Variants in CHODL observed in about 807,000 individuals in gnomAD.
CHODL encodes transmembrane protein MT75.
A neutral mutation model predicts 34.5 loss-of-function variants in CHODL; 29 were observed. The ratio of observed to expected loss-of-function variants is 0.84; its 90% CI spans 0.63 to 1.15. The LOEUF is 1.15. Among genes scored for constraint, CHODL ranks in the 50% most tolerant of loss-of-function variants. The pLI, the probability that CHODL is intolerant of heterozygous loss-of-function variation, is 0.00. For synonymous variants in CHODL, 125 were observed against 116.1 expected (o/e 1.08, Z -0.49); for missense variants, 332 against 332.5 (o/e 1.00, Z 0.01).
At chr21:18,133,217 C>A (rs2072678797) in intron 2 of CHODL, among the ~76,000 whole-genome samples, 1 of 152,136 alleles carries the variant, frequency 6.6e-6, no homozygotes, top group South Asian at 2.1e-4. Flanking sequence ...GCAATCCCTT[C>A]TGGATTCCTC....
At chr21:17,977,314 A>G (rs897031265) in intron 1 of CHODL, among the ~76,000 whole-genome samples, 10 of 152,010 alleles carry the variant, frequency 6.6e-5, no homozygotes, top group African/African-American at 2.4e-4. Flanking sequence ...TGTTCATTGC[A>G]GAAATAACAT....
At chr21:18,108,401 T>C (rs1351909905) in intron 2 of CHODL, among the ~76,000 whole-genome samples, 2 of 152,218 alleles carry the variant, frequency 1.3e-5, no homozygotes, top group African/African-American at 4.8e-5. Context: ...CACTAGGCTC[T>C]ACTAGAGAGA....
At chr21:18,174,158 TA>T (rs2073275621) in intron 2 of CHODL, among the ~76,000 whole-genome samples, 1 of 96,252 alleles carries the variant, frequency 1.0e-5, no homozygotes, top group East Asian at 4.5e-4. Flanking sequence ...TATATATATA[TA>T]TAAAATCAAG....
intron 2 of CHODL, among the ~76,000 whole-genome samples, chr21:18,105,916 C>T (rs1457933702): frequency 6.6e-6 from 1 of 152,128 alleles, no homozygotes; most frequent in Non-Finnish European, 1.5e-5. Flanking sequence ...AAGCCAGAGA[C>T]AGTGAAACAT....
At chr21:18,077,622 C>CT (rs2064881862) in intron 2 of CHODL, among the ~76,000 whole-genome samples, 1 of 152,060 alleles carries the variant, frequency 6.6e-6, no homozygotes, top group African/African-American at 2.4e-5. Flanking sequence ...AGATTAGTGC[C>CT]CTTACAATAG....
At chr21:17,974,478 G>T (rs774755376) in intron 1 of CHODL, among the ~76,000 whole-genome samples, 1 of 151,938 alleles carries the variant, frequency 6.6e-6, no homozygotes, top group Non-Finnish European at 1.5e-5. Flanking sequence ...CACTATGTTG[G>T]CCAGGCTAGT....
At chr21:18,003,286 A>G (rs1386031770) in intron 1 of CHODL, among the ~76,000 whole-genome samples, 1 of 151,702 alleles carries the variant, frequency 6.6e-6, no homozygotes, top group East Asian at 1.9e-4. Context: ...ATATATAGTG[A>G]CACACCTCTT....
intron 2 of CHODL, among the ~76,000 whole-genome samples, chr21:18,222,841 G>A (rs1888407): frequency 6.6e-6 from 1 of 151,890 alleles, no homozygotes; most frequent in Non-Finnish European, 1.5e-5. Flanking sequence ...GTCATCTTGA[G>A]GATATCTCTC....
intron 1 of CHODL, among the ~76,000 whole-genome samples, chr21:17,926,509 G>A (rs541856335): frequency 2.3e-4 from 35 of 152,008 alleles, no homozygotes; most frequent in Admixed American, 5.2e-4. Flanking sequence ...GAGGCCTCAG[G>A]AAACTTATAA....
chr21:18,104,869 T>C (rs977205774), intron 2 of CHODL, among the ~76,000 whole-genome samples: 2 of 152,202 alleles, frequency 1.3e-5, no homozygotes, highest in Non-Finnish European at 2.9e-5. Flanking sequence ...TACCATTAAG[T>C]GTGGTCTCAT....
At chr21:18,103,109 A>G (rs1463804702) in intron 2 of CHODL, among the ~76,000 whole-genome samples, 1 of 152,200 alleles carries the variant, frequency 6.6e-6, no homozygotes, top group Non-Finnish European at 1.5e-5. Flanking sequence ...AAGTTGAGAT[A>G]CCATTTCATT....
At chr21:18,247,240 G>A (rs1044244362) in intron 1 of CHODL, among the ~76,000 whole-genome samples, 6 of 152,046 alleles carry the variant, frequency 3.9e-5, no homozygotes, top group East Asian at 3.8e-4. Flanking sequence ...TCAATTTTTC[G>A]TGCCACTTGG....
intron 2 of CHODL, among the ~76,000 whole-genome samples, chr21:18,210,712 A>G (rs1469906004): frequency 6.6e-6 from 1 of 152,168 alleles, no homozygotes; most frequent in African/African-American, 2.4e-5. Context: ...TTAGGCTGCT[A>G]TCATTTCTTA....
chr21:18,046,360 A>G (rs1251710747), intron 2 of CHODL, among the ~76,000 whole-genome samples: 7 of 151,952 alleles, frequency 4.6e-5, no homozygotes, highest in African/African-American at 1.7e-4. Flanking sequence ...AAAAGTAGGA[A>G]AAATACTATG....
intron 2 of CHODL, among the ~76,000 whole-genome samples, chr21:18,120,736 T>G (rs1042229540): frequency 1.3e-5 from 2 of 151,744 alleles, no homozygotes; most frequent in African/African-American, 4.8e-5. Context: ...GGTATGATAC[T>G]TATTTGCAAA....
chr21:18,134,531 C>G (rs573491631), intron 2 of CHODL, among the ~76,000 whole-genome samples: 1 of 152,318 alleles, frequency 6.6e-6, no homozygotes, highest in South Asian at 2.1e-4. Context: ...GCCACAAGCT[C>G]TCAGAATGTT....
intron 2 of CHODL, among the ~76,000 whole-genome samples, chr21:18,073,417 T>C (rs959610243): frequency 6.6e-6 from 1 of 152,132 alleles, no homozygotes; most frequent in Non-Finnish European, 1.5e-5. Context: ...TCTGAGTGAT[T>C]AGCTTTAATC....
At chr21:18,066,433 C>T (rs2064732631) in intron 2 of CHODL, among the ~76,000 whole-genome samples, 1 of 151,976 alleles carries the variant, frequency 6.6e-6, no homozygotes, top group African/African-American at 2.4e-5. Flanking sequence ...TTTGAATGAC[C>T]GTCTCTAGGA....
At chr21:18,142,033 C>T (rs771511997) in intron 2 of CHODL, among the ~76,000 whole-genome samples, 28 of 152,086 alleles carry the variant, frequency 1.8e-4, no homozygotes, top group Middle Eastern at 3.4e-3. Context: ...CCAAAGAATT[C>T]GGAAATTACA....
Sources: allele counts gnomAD v4.1 joint callset (sites outside exome capture counted in the v4.1 genomes callset), GRCh38; gene constraint gnomAD v4.1.1; transcripts MANE v1.5; gene names NCBI Gene and HGNC (gene_info 2026-07-23, HGNC 2026-07-21).